The following UBE2E2 variants were observed in gnomAD, a reference collection of about 807,000 sequenced individuals.
UBE2E2 encodes the protein ubiquitin conjugating enzyme E2 E2.
A neutral mutation model predicts 24.7 loss-of-function variants in UBE2E2; 6 were observed. The ratio of observed to expected loss-of-function variants is 0.24; its 90% CI spans 0.13 to 0.48. UBE2E2 has a LOEUF of 0.48. Ranked by LOEUF, UBE2E2 falls within the 20% of genes least tolerant of loss-of-function variation. The probability of loss-of-function intolerance (pLI) is 0.99; values close to 1 mark genes in which losing one functional copy is unlikely to be tolerated. For missense variants in UBE2E2, 169 were observed against 245.0 expected (o/e 0.69, Z 2.07); for synonymous variants, 104 against 83.6 (o/e 1.24, Z -1.33).
intron 5 of UBE2E2, among the ~76,000 whole-genome samples, chr3:23,537,186 G>C (rs557546069): frequency 9.3e-4 from 141 of 152,236 alleles, no homozygotes; most frequent in African/African-American, 3.2e-3. Context: ...TTCCCCTGTC[G>C]TCTGCCTTCA....
rs528541484 is a variant in UBE2E2 at position 23,494,117 on chromosome 3, C to G, written c.228-5491C>G. ...AGCCTGTTTATGTTCTTCATCATTG[C>G]TCTGTACTGCAAGTGTCCTCTGGCA... On this transcript the variant is annotated intron_variant, in intron 3 of 5. Coordinates refer to ENST00000396703, the MANE Select transcript of UBE2E2 (RefSeq NM_152653.4). Among the ~76,000 whole-genome samples the G allele has an allele frequency of 6.6e-5, 10 of 152,316 alleles. No individual in the cohort carries two copies. The South Asian group carries it at 1.2e-3, about 19-fold the overall frequency.
intron 3 of UBE2E2, among the ~76,000 whole-genome samples, chr3:23,422,796 G>T (rs528359033): frequency 6.6e-6 from 1 of 152,314 alleles, no homozygotes; most frequent in East Asian, 1.9e-4. Flanking sequence ...CTGGAAAGTG[G>T]TGTTCAAGCT....
At chr3:23,429,206 A>G (rs555144146) in intron 3 of UBE2E2, among the ~76,000 whole-genome samples, 2 of 152,300 alleles carry the variant, frequency 1.3e-5, no homozygotes, top group South Asian at 4.1e-4. Context: ...AATTCTGTAC[A>G]TTAAAGAAGA....
At chr3:23,306,427 C>T (rs1382177082) in intron 3 of UBE2E2, among the ~76,000 whole-genome samples, 2 of 152,168 alleles carry the variant, frequency 1.3e-5, no homozygotes, top group East Asian at 3.8e-4. Flanking sequence ...GTCTATATCC[C>T]CTTCCCCATG....
chr3:23,539,439 A>T lies in UBE2E2; in HGVS notation c.508+6738A>T, dbSNP rs539714207. The stretch of plus-strand genomic sequence containing the variant: ...ATGGGATACCTTAAAAAGTGCTTTT[A>T]AAGTTTAAAGTTTCACCCTTATCTC... On this transcript the variant is annotated intron_variant, in intron 5 of 5. Transcript: ENST00000396703. Among the ~76,000 whole-genome samples the T allele has an allele frequency of 5.6e-4, 85 of 152,340 alleles. 1 individual carries two copies. The highest frequency in any genetic ancestry group is 2.0e-3 in the African/African-American group (82 of 41,578).
At chr3:23,584,730 T>G (rs897770736) in intron 5 of UBE2E2, among the ~76,000 whole-genome samples, 1 of 73,750 alleles carries the variant, frequency 1.4e-5, no homozygotes, top group African/African-American at 7.3e-5. Context: ...TTTTTTGTTT[T>G]TTTTTTTTTT....
intron 3 of UBE2E2, among the ~76,000 whole-genome samples, chr3:23,414,691 G>A (rs374500246): frequency 5.9e-5 from 9 of 152,244 alleles, no homozygotes; most frequent in East Asian, 5.8e-4. Context: ...CATCCCCAGC[G>A]CAATAATATT....
intron 3 of UBE2E2, among the ~76,000 whole-genome samples, chr3:23,279,671 A>G (rs1575528137): frequency 1.3e-5 from 2 of 152,284 alleles, no homozygotes; most frequent in South Asian, 4.1e-4. Context: ...GAATATTTGT[A>G]AAGCTGGTGT....
At chr3:23,484,422 G>A (rs1261866622) in intron 3 of UBE2E2, among the ~76,000 whole-genome samples, 1 of 152,170 alleles carries the variant, frequency 6.6e-6, no homozygotes, top group Non-Finnish European at 1.5e-5. Flanking sequence ...ACAGGGTGAA[G>A]AAGCTCACCT....
intron 2 of UBE2E2, among the ~76,000 whole-genome samples, chr3:23,212,287 A>G (rs944951424): frequency 6.6e-6 from 1 of 152,166 alleles, no homozygotes; most frequent in Non-Finnish European, 1.5e-5. Context: ...TTCTTTGGCA[A>G]GAGTTTCTTA....
At chr3:23,268,759 A>T (rs1333114106) in intron 3 of UBE2E2, among the ~76,000 whole-genome samples, 1 of 148,962 alleles carries the variant, frequency 6.7e-6, no homozygotes, top group Non-Finnish European at 1.5e-5. Context: ...ATCCTAAGCC[A>T]AAAGAACGAA....
At chr3:23,316,947 C>A (rs73823450) in intron 3 of UBE2E2, among the ~76,000 whole-genome samples, 7 of 152,220 alleles carry the variant, frequency 4.6e-5, no homozygotes, top group South Asian at 2.1e-4. Context: ...CTCTGGTGCC[C>A]TATCCTCCTG....
At chr3:23,423,986 C>G (rs1697863937) in intron 3 of UBE2E2, among the ~76,000 whole-genome samples, 1 of 152,056 alleles carries the variant, frequency 6.6e-6, no homozygotes, top group Non-Finnish European at 1.5e-5. Context: ...TGGTGGTTGA[C>G]CTCTTGAGTA....
At chr3:23,523,949 G>A (rs1369542624) in intron 4 of UBE2E2, among the ~76,000 whole-genome samples, 1 of 148,366 alleles carries the variant, frequency 6.7e-6, no homozygotes, top group Non-Finnish European at 1.5e-5. Flanking sequence ...TGGCATGGGG[G>A]CTTCAAATAT....
intron 3 of UBE2E2, among the ~76,000 whole-genome samples, chr3:23,296,392 G>T (rs1483557633): frequency 6.6e-6 from 1 of 151,922 alleles, no homozygotes; most frequent in East Asian, 1.9e-4. Context: ...GTATACATGT[G>T]CCATGCTGGT....
At chr3:23,460,375 G>C (rs920394020) in intron 3 of UBE2E2, among the ~76,000 whole-genome samples, 9 of 152,170 alleles carry the variant, frequency 5.9e-5, no homozygotes, top group Admixed American at 6.5e-5. Context: ...TTATTGCTTA[G>C]TACTCAGGCT....
intron 3 of UBE2E2, among the ~76,000 whole-genome samples, chr3:23,301,869 G>A (rs984333808): frequency 2.6e-5 from 4 of 152,144 alleles, no homozygotes; most frequent in Admixed American, 6.6e-5. Context: ...AGCTGTAGAC[G>A]GGAGCTGTTC....
chr3:23,561,419 C>T (rs1437125172), intron 5 of UBE2E2, among the ~76,000 whole-genome samples: 1 of 152,082 alleles, frequency 6.6e-6, no homozygotes, highest in Non-Finnish European at 1.5e-5. Context: ...CTGTTCTGTT[C>T]CATTGGTCTA....
chr3:23,259,362 T>TTTTCCCTTTTCTGTAAA (rs1458672978), intron 3 of UBE2E2, among the ~76,000 whole-genome samples: 3 of 152,202 alleles, frequency 2.0e-5, no homozygotes. Flanking sequence ...GGTTAGGTTT[T>TTTTCCCTTTTCTGTAAA]TTTCCCTTTT....
Sources: gnomAD v4.1 joint callset for allele counts (sites outside exome capture counted in the v4.1 genomes callset) on GRCh38, gnomAD v4.1.1 for gene constraint, MANE v1.5 for transcripts, NCBI Gene and HGNC (gene_info 2026-07-23, HGNC 2026-07-21) for gene names.